The following UST variants were observed in gnomAD, a reference collection of about 807,000 sequenced individuals.
UST encodes the protein uronyl 2-sulfotransferase, also known as chondroitin sulfate 2-O-sulfotransferase.
A neutral mutation model predicts 45.6 loss-of-function variants in UST; 21 were observed. That is an observed-to-expected ratio of 0.46 (90% confidence interval 0.33 to 0.66). The LOEUF (loss-of-function observed/expected upper bound fraction) is 0.66. Ranked by LOEUF, UST falls within the 30% of genes least tolerant of loss-of-function variation. The probability of loss-of-function intolerance (pLI) is 0.02; values close to 1 mark genes in which losing one functional copy is unlikely to be tolerated. For missense variants in UST, 463 were observed against 512.4 expected, an observed-to-expected ratio of 0.90 and a Z score of 0.93; for synonymous variants, 215 against 200.6, an observed-to-expected ratio of 1.07 and a Z score of -0.61.
At chr6:148,789,674 C>T (rs528932114) in intron 1 of UST, among the ~76,000 whole-genome samples, 3 of 152,026 alleles carry the variant, frequency 2.0e-5, no homozygotes, top group Non-Finnish European at 2.9e-5. Flanking sequence ...CTCAGCCTCC[C>T]GTAATTCAGA....
intron 1 of UST, among the ~76,000 whole-genome samples, chr6:148,810,988 A>G (rs1347240869): frequency 6.6e-6 from 1 of 152,210 alleles, no homozygotes; most frequent in Non-Finnish European, 1.5e-5. Context: ...TGGCATTTTC[A>G]AGTTTTATGA....
chr6:148,924,633 G>A (rs973380522), intron 2 of UST, among the ~76,000 whole-genome samples: 1 of 152,180 alleles, frequency 6.6e-6, no homozygotes, highest in Non-Finnish European at 1.5e-5. Flanking sequence ...CCCCAGATAC[G>A]TTAGTGTGGG....
rs1776821985 is a variant in UST, at chr6:148,790,462, C to G, written c.247+42785C>G. ...CAGTTGCCCAGGGGTAGATGGCATACCTCCTTGGCGAATCTGATTTTGAAG... is the reference window on the plus strand; with the variant it reads ...CAGTTGCCCAGGGGTAGATGGCATAGCTCCTTGGCGAATCTGATTTTGAAG... On this transcript the variant is annotated intron_variant, in intron 1 of 7. Coordinates refer to ENST00000367463, the MANE Select transcript of UST (RefSeq NM_005715.3). The surrounding 1 kb of genome is among the most constrained non-coding windows in gnomAD (Gnocchi z 4.2). 6.6e-6 allele frequency among the ~76,000 whole-genome samples: 1 copy of G among 152,190 alleles called. No homozygotes were observed. The highest frequency in any genetic ancestry group is 1.5e-5 in the Non-Finnish European group (1 of 68,042).
Position 149,039,063 on chromosome 6 carries a change from A to G in UST, c.937+17582A>G, listed in dbSNP as rs1776274941. On this transcript the variant is annotated intron_variant, in intron 7 of 7. Coordinates refer to ENST00000367463, the MANE Select transcript of UST (RefSeq NM_005715.3). ...GAAGGGAAAATACCAAGAGAACTGC[A>G]GTTGTTAGTTGTGGTGGTTTCTGCA... Among the ~76,000 whole-genome samples, 4 of 152,264 alleles carry G rather than the reference A, an allele frequency of 2.6e-5. No individual in the cohort carries two copies. In the South Asian group the frequency reaches 6.2e-4, roughly 24 times the overall value.
chr6:148,789,959 G>A (rs1776807833), intron 1 of UST, among the ~76,000 whole-genome samples: 1 of 147,782 alleles, frequency 6.8e-6, no homozygotes, highest in Non-Finnish European at 1.5e-5. Flanking sequence ...AAAACCAAAA[G>A]CTTTTTTCTG....
Position 148,979,322 on chromosome 6 carries a change from G to A in UST, c.681+14759G>A, listed in dbSNP as rs571087217. 2.1e-4 allele frequency among the ~76,000 whole-genome samples: 32 copies of A among 152,258 alleles called. No homozygotes were observed. In the South Asian group the frequency reaches 4.6e-3, roughly 22 times the overall value. On this transcript the variant is annotated intron_variant, in intron 5 of 7. Transcript: ENST00000367463. ...ATAATTCACAGTTTTGCAATACAAAGGAAAGATGAAAAACAACTGGAGGCT... is the reference window on the plus strand; with the variant it reads ...ATAATTCACAGTTTTGCAATACAAAAGAAAGATGAAAAACAACTGGAGGCT...
At chr6:148,775,753 G>A (rs186544818) in intron 1 of UST, among the ~76,000 whole-genome samples, 7 of 151,852 alleles carry the variant, frequency 4.6e-5, no homozygotes, top group African/African-American at 1.7e-4. Flanking sequence ...TCAGCCTCCC[G>A]AGTAGCTGGG....
chr6:149,030,524 G>A (rs1320245876), intron 7 of UST, among the ~76,000 whole-genome samples: 2 of 151,762 alleles, frequency 1.3e-5, no homozygotes, highest in East Asian at 3.9e-4. Flanking sequence ...TCTGTCCAAC[G>A]TATCTGTCTG....
At chr6:148,767,267 TTTGA>T (rs1434752854) in intron 1 of UST, among the ~76,000 whole-genome samples, 1 of 152,232 alleles carries the variant, frequency 6.6e-6, no homozygotes, top group Non-Finnish European at 1.5e-5. Flanking sequence ...CATTCACCAG[TTTGA>T]TTGTTCCAAT....
At chr6:148,832,996 A>G (rs1029900023) in intron 1 of UST, among the ~76,000 whole-genome samples, 1 of 152,218 alleles carries the variant, frequency 6.6e-6, no homozygotes, top group African/African-American at 2.4e-5. Context: ...AATAACAAGA[A>G]AAGAAAGTAT....
At chr6:148,904,808 T>C (rs1582888981) in intron 2 of UST, among the ~76,000 whole-genome samples, 1 of 152,214 alleles carries the variant, frequency 6.6e-6, no homozygotes, top group South Asian at 2.1e-4. Context: ...TGTGAGCCAC[T>C]GCACCCAGCC....
At chr6:149,019,085 G>A (rs1775944553) in intron 5 of UST, 54 bp from the exon 6 acceptor site, 4 of 1,322,506 alleles carry the variant, frequency 3.0e-6, no homozygotes, top group Non-Finnish European at 4.4e-6. Flanking sequence ...TGTGGCATTT[G>A]ATAGAGCCTT....
chr6:149,037,540 A>G (rs561108935), intron 7 of UST, among the ~76,000 whole-genome samples: 3 of 152,302 alleles, frequency 2.0e-5, no homozygotes, highest in African/African-American at 7.2e-5. Context: ...ACACTCTTCC[A>G]GCACAGAAGG....
intron 1 of UST, among the ~76,000 whole-genome samples, chr6:148,880,133 T>G (rs1300350363): frequency 1.4e-5 from 2 of 147,026 alleles, no homozygotes; most frequent in African/African-American, 5.0e-5. Flanking sequence ...TTTTGTATTT[T>G]TAGTGGAGAT....
chr6:148,911,650 A>G (rs1392073741), intron 2 of UST, among the ~76,000 whole-genome samples: 3 of 152,206 alleles, frequency 2.0e-5, no homozygotes, highest in Admixed American at 1.3e-4. Context: ...AGCTTTCCCA[A>G]AAAGTCACAA....
intron 1 of UST, among the ~76,000 whole-genome samples, chr6:148,863,496 T>TCTC (rs1191474408): frequency 6.6e-6 from 1 of 152,236 alleles, no homozygotes; most frequent in Non-Finnish European, 1.5e-5. Context: ...GAAGCCTTCT[T>TCTC]CTCTCAACTC....
chr6:148,997,955 A>C (rs1781483205), intron 5 of UST, among the ~76,000 whole-genome samples: 1 of 152,238 alleles, frequency 6.6e-6, no homozygotes, highest in Admixed American at 6.5e-5. Flanking sequence ...AATAATCCAC[A>C]AACATGCTGT....
intron 4 of UST, 45 bp downstream of exon 4, chr6:148,953,996 G>A (rs781363774): frequency 1.4e-6 from 2 of 1,448,510 alleles, no homozygotes; most frequent in Non-Finnish European, 1.9e-6. Flanking sequence ...TTCTTCTAAT[G>A]AACAGTTACT....
chr6:149,056,953 A>G (rs1776574136), intron 7 of UST, among the ~76,000 whole-genome samples: 2 of 152,196 alleles, frequency 1.3e-5, no homozygotes. Context: ...ACAGCCCTTC[A>G]AGGGTTTATC....
Sources: gnomAD v4.1 joint callset for allele counts (sites outside exome capture counted in the v4.1 genomes callset) on GRCh38, gnomAD v4.1.1 for gene constraint, Gnocchi (gnomAD v3.1) non-coding constraint, MANE v1.5 for transcripts, NCBI Gene and HGNC (gene_info 2026-07-23, HGNC 2026-07-21) for gene names.